The following TLN2 variants were observed in gnomAD, a reference collection of about 807,000 sequenced individuals.
TLN2 encodes the protein talin-2.
TLN2 carries 118 observed loss-of-function variants against 294.7 expected under a neutral mutation model. The observed-to-expected ratio is 0.40, with a 90% CI of 0.34 to 0.47. The LOEUF (loss-of-function observed/expected upper bound fraction) is 0.47, where lower values mean the gene tolerates loss of function less well. TLN2 is among the 20% of genes least tolerant of loss of function. The pLI, the probability that TLN2 is intolerant of heterozygous loss-of-function variation, is 0.84. For missense variants in TLN2, 3,083 were observed against 3,282.2 expected, an observed-to-expected ratio of 0.94 and a Z score of 1.48; for synonymous variants, 1,431 against 1,304.5, an observed-to-expected ratio of 1.10 and a Z score of -2.09.
At chr15:62,480,925 C>T (rs1248254984) in intron 1 of TLN2, among the ~76,000 whole-genome samples, 2 of 152,202 alleles carry the variant, frequency 1.3e-5, no homozygotes, top group Non-Finnish European at 2.9e-5. Flanking sequence ...AATCTCCCCT[C>T]ATTCGAAATG....
rs2060480256 is a variant in TLN2 at position 62,727,080 on chromosome 15, C to T, written c.3256-7C>T. The T allele has an allele frequency of 6.2e-7, 1 of 1,613,716 alleles. No individual in the cohort carries two copies. The highest frequency in any genetic ancestry group is 8.5e-7 in the Non-Finnish European group (1 of 1,179,804). On this transcript the variant is annotated splice_polypyrimidine_tract_variant and splice_region_variant and intron_variant, in intron 27 of 58. Coordinates refer to ENST00000636159, the MANE Select transcript of TLN2 (RefSeq NM_015059.3). ...TACGTTCTTTCCCTCCTTGAATATT[C>T]TTGTAGCTGGAAAAATGTGCTCAGG...
intron 3 of TLN2, chr15:62,637,851 G>C (rs985470513): frequency 1.3e-5 from 2 of 152,340 alleles, no homozygotes; most frequent in East Asian, 1.9e-4. Context: ...CTGGGCTGAC[G>C]GGTAACGGAG....
At chr15:62,557,791 T>G (rs1235938443) in intron 1 of TLN2, among the ~76,000 whole-genome samples, 1 of 152,228 alleles carries the variant, frequency 6.6e-6, no homozygotes, top group Non-Finnish European at 1.5e-5. Flanking sequence ...TCCACCCACC[T>G]TGGCCTCCCA....
intron 21 of TLN2, among the ~76,000 whole-genome samples, chr15:62,710,055 C>T (rs1373245886): frequency 6.6e-6 from 1 of 152,148 alleles, no homozygotes; most frequent in African/African-American, 2.4e-5. Flanking sequence ...TCATGTCCAC[C>T]TGTATGTTAA....
intron 1 of TLN2, chr15:62,561,398 A>ACGCCTTCG (rs1411861409): frequency 2.6e-5 from 4 of 152,194 alleles, no homozygotes; most frequent in Non-Finnish European, 5.9e-5. Flanking sequence ...TTAACAGCTA[A>ACGCCTTCG]CGCCTTCGCG....
chr15:62,442,527 G>A (rs1308456035), intron 1 of TLN2, among the ~76,000 whole-genome samples: 1 of 146,698 alleles, frequency 6.8e-6, no homozygotes, highest in Non-Finnish European at 1.5e-5. Flanking sequence ...ATTAGAGGAT[G>A]TCCAGCTGGT....
chr15:62,605,374 T>C (rs1356851716), intron 2 of TLN2, among the ~76,000 whole-genome samples: 2 of 152,366 alleles, frequency 1.3e-5, no homozygotes, highest in East Asian at 3.9e-4. Context: ...GTAAAAGCGA[T>C]GAGCTTCTTG....
chr15:62,502,053 A>G (rs1283935813), intron 1 of TLN2, among the ~76,000 whole-genome samples: 1 of 152,184 alleles, frequency 6.6e-6, no homozygotes, highest in Admixed American at 6.5e-5. Context: ...GATGGGCCTT[A>G]TAGGAGAACT....
intron 40 of TLN2, among the ~76,000 whole-genome samples, chr15:62,765,206 T>C (rs1009936024): frequency 6.6e-6 from 1 of 152,168 alleles, no homozygotes; most frequent in Non-Finnish European, 1.5e-5. Flanking sequence ...TGTTCTTGAC[T>C]ATAATCACAT....
chr15:62,780,001 G>C (rs142808243), intron 43 of TLN2, among the ~76,000 whole-genome samples: 187 of 152,298 alleles, frequency 1.2e-3, no homozygotes, highest in African/African-American at 4.3e-3. Context: ...TCTCATCTCT[G>C]ACTCTGAACT....
At chr15:62,651,854 A>G (rs2052625459) in intron 5 of TLN2, 151 bp from the exon 6 acceptor site, 1 of 966,126 alleles carries the variant, frequency 1.0e-6, no homozygotes, top group South Asian at 2.6e-5. Flanking sequence ...TCCCCTGAAA[A>G]CTTTGAAAGG....
At chr15:62,765,441 G>A (rs997821796) in intron 40 of TLN2, among the ~76,000 whole-genome samples, 5 of 152,108 alleles carry the variant, frequency 3.3e-5, no homozygotes, top group African/African-American at 1.2e-4. Flanking sequence ...GGAAAGTAGT[G>A]AAGGCTAGAG....
chr15:62,601,609 C>G (rs2047013826), intron 2 of TLN2, among the ~76,000 whole-genome samples: 1 of 152,190 alleles, frequency 6.6e-6, no homozygotes, highest in East Asian at 1.9e-4. Flanking sequence ...TTGCCTATAT[C>G]TCTTAATTCA....
At chr15:62,694,245 G>C (rs958448607) in intron 13 of TLN2, 71 bp from the exon 14 acceptor site, 2 of 1,420,718 alleles carry the variant, frequency 1.4e-6, no homozygotes, top group Non-Finnish European at 2.0e-6. Flanking sequence ...CCAAAGTGCT[G>C]GGATTAGAGG....
At chr15:62,521,399 C>T (rs188136116) in intron 1 of TLN2, among the ~76,000 whole-genome samples, 27 of 152,226 alleles carry the variant, frequency 1.8e-4, no homozygotes, top group African/African-American at 6.3e-4. Flanking sequence ...ATATGAGTGA[C>T]CATGGCCTGG....
intron 1 of TLN2, among the ~76,000 whole-genome samples, chr15:62,478,734 T>C (rs775561724): frequency 1.3e-5 from 2 of 152,202 alleles, no homozygotes; most frequent in Non-Finnish European, 2.9e-5. Context: ...GGGATTTCTA[T>C]GTCAAAGACA....
chr15:62,618,125 T>C (rs1446975415), intron 2 of TLN2, among the ~76,000 whole-genome samples: 7 of 151,750 alleles, frequency 4.6e-5, no homozygotes, highest in Admixed American at 3.3e-4. Flanking sequence ...AGATATGTGT[T>C]TGGTTTCTTC....
At chr15:62,527,792 G>C (rs2040821263) in intron 1 of TLN2, among the ~76,000 whole-genome samples, 1 of 152,146 alleles carries the variant, frequency 6.6e-6, no homozygotes, top group Admixed American at 6.5e-5. Flanking sequence ...ATGCTTTTGT[G>C]ATGATAAAAG....
chr15:62,741,748 C>CGCGCGTGTGTGTGTGTGTGTGT, intron 32 of TLN2, among the ~76,000 whole-genome samples: 6,261 of 131,052 alleles, frequency 0.048, 369 homozygotes, highest in Admixed American at 0.15. Context: ...AAAATTTGCG[C>CGCGCGTGTGTGTGTGTGTGTGT]GTGTGTGTGT....
Sources: allele counts gnomAD v4.1 joint callset (sites outside exome capture counted in the v4.1 genomes callset), GRCh38; gene constraint gnomAD v4.1.1; transcripts MANE v1.5; gene names NCBI Gene and HGNC (gene_info 2026-07-23, HGNC 2026-07-21).